Variants in DHX9 observed in about 807,000 individuals in gnomAD.
The protein encoded by DHX9 is DExH-box helicase 9, also known as ATP-dependent RNA helicase A.
DHX9 carries 27 observed loss-of-function variants against 148.7 expected under a neutral mutation model. That is an observed-to-expected ratio of 0.18 (90% confidence interval 0.13 to 0.25). The LOEUF (loss-of-function observed/expected upper bound fraction) is 0.25. Ranked by LOEUF, DHX9 falls within the 10% of genes least tolerant of loss-of-function variation. The probability of loss-of-function intolerance (pLI) is 1.00; values close to 1 mark genes in which losing one functional copy is unlikely to be tolerated. For missense variants in DHX9, 796 were observed against 1,559.6 expected, an observed-to-expected ratio of 0.51 and a Z score of 8.25; for synonymous variants, 529 against 516.6, an observed-to-expected ratio of 1.02 and a Z score of -0.33.
intron 1 of DHX9, among the ~76,000 whole-genome samples, chr1:182,841,447 G>A (rs1346613285): frequency 2.0e-5 from 3 of 152,196 alleles, no homozygotes; most frequent in Non-Finnish European, 4.4e-5. Context: ...TTCACCATGA[G>A]GGCTTGTTGT....
At chr1:182,876,002 C>G in intron 16 of DHX9, 48 bp from the exon 17 acceptor site, 1 of 1,471,116 alleles carries the variant, frequency 6.8e-7, no homozygotes, top group Non-Finnish European at 9.5e-7. Context: ...AGACTTACCT[C>G]ATGAGTAACT....
rs1649036020 is a variant in DHX9, at chr1:182,880,435, G to A, written c.2513-62G>A. ...TGTCTTAACCTTAATTTAGAGTAAT[G>A]TTTTGTCTGCCTAAAATTAGTGTTC... On this transcript the variant is annotated intron_variant, in intron 21 of 27. Transcript: ENST00000367549. The A allele has an allele frequency of 1.1e-5, 12 of 1,141,192 alleles. No homozygotes were observed. In the East Asian group the frequency reaches 2.9e-4, roughly 27 times the overall value. The allele number at this position is 1,141,192 out of a possible 1,614,324, so 70.7% of individuals were successfully genotyped here.
intron 16 of DHX9, among the ~76,000 whole-genome samples, 163 bp from the exon 17 acceptor site, chr1:182,875,887 A>G (rs532728639): frequency 1.1e-4 from 17 of 152,320 alleles, no homozygotes; most frequent in African/African-American, 3.8e-4. Flanking sequence ...TGTAAGCTCT[A>G]CATTTTTGGA....
intron 12 of DHX9, among the ~76,000 whole-genome samples, chr1:182,865,950 T>C (rs1490533444): frequency 6.6e-6 from 1 of 152,208 alleles, no homozygotes; most frequent in East Asian, 1.9e-4. Context: ...CTATGTGAGC[T>C]CATCAAAAAC....
intron 27 of DHX9, among the ~76,000 whole-genome samples, chr1:182,885,332 A>G (rs186988563): frequency 5.3e-5 from 8 of 152,322 alleles, no homozygotes; most frequent in Non-Finnish European, 7.4e-5. Context: ...TTTTATTTAC[A>G]TATACTTGAT....
Position 182,887,625 on chromosome 1 carries a change from A to G in DHX9, c.*191A>G. ...TGATTTTGTTTATATTATGTAAAAT[A>G]TAACGATCTCTTAAAAATACCACAG... On this transcript the variant is annotated 3_prime_UTR_variant, in exon 28 of 28. Transcript: ENST00000367549. 1 of 547,374 alleles carries G rather than the reference A, an allele frequency of 1.8e-6. No individual in the cohort carries two copies. Among genetic ancestry groups the G allele is most frequent in the Non-Finnish European group, 3.2e-6 (1 of 308,788 alleles). The allele number at this position is 547,374 out of a possible 1,614,324, so 33.9% of individuals were successfully genotyped here.
intron 4 of DHX9, 29 bp from the exon 5 acceptor site, chr1:182,853,277 C>T: frequency 3.4e-6 from 5 of 1,491,392 alleles, no homozygotes; most frequent in Non-Finnish European, 4.6e-6. Flanking sequence ...AGTTATGACT[C>T]ATTAAGAGAA....
intron 12 of DHX9, among the ~76,000 whole-genome samples, chr1:182,862,395 G>A (rs1188848803): frequency 6.6e-6 from 1 of 152,126 alleles, no homozygotes; most frequent in South Asian, 2.1e-4. Context: ...CCTGTGGGCT[G>A]TATGCAGAAA....
intron 16 of DHX9, 93 bp downstream of exon 16, chr1:182,875,047 C>A: frequency 9.9e-7 from 1 of 1,008,540 alleles, no homozygotes; most frequent in Non-Finnish European, 1.5e-6. Context: ...ATTAGCATTA[C>A]AGCAAACTTT....
chr1:182,872,888 G>T (rs556237406), intron 15 of DHX9, among the ~76,000 whole-genome samples: 3 of 152,314 alleles, frequency 2.0e-5, no homozygotes, highest in Non-Finnish European at 4.4e-5. Flanking sequence ...TGAGCAACTA[G>T]ATTTTGAATT....
intron 13 of DHX9, 60 bp from the exon 14 acceptor site, chr1:182,866,901 T>G: frequency 7.8e-7 from 1 of 1,279,392 alleles, no homozygotes; most frequent in Non-Finnish European, 1.1e-6. Flanking sequence ...TATAGATAAT[T>G]GTCCATAGAT....
At chr1:182,875,656 A>G (rs907408483) in intron 16 of DHX9, among the ~76,000 whole-genome samples, 2 of 152,234 alleles carry the variant, frequency 1.3e-5, no homozygotes, top group African/African-American at 4.8e-5. Flanking sequence ...AATGAACAGC[A>G]GATTAGAAAA....
At chr1:182,846,204 A>G (rs548530404) in intron 3 of DHX9, among the ~76,000 whole-genome samples, 76 of 151,442 alleles carry the variant, frequency 5.0e-4, no homozygotes, top group African/African-American at 1.1e-3. Context: ...TAGGATTTCT[A>G]TGCCAGGGAA....
intron 3 of DHX9, among the ~76,000 whole-genome samples, chr1:182,844,943 G>A (rs531434963): frequency 3.2e-4 from 49 of 152,336 alleles, no homozygotes; most frequent in Non-Finnish European, 6.0e-4. Flanking sequence ...GATTACAGGT[G>A]TGAGCCACTG....
chr1:182,868,158 C>T (rs952241947), intron 14 of DHX9, among the ~76,000 whole-genome samples: 7 of 152,048 alleles, frequency 4.6e-5, no homozygotes, highest in African/African-American at 1.2e-4. Flanking sequence ...TTCATAATAT[C>T]ATAAGTCATA....
chr1:182,840,625 C>T (rs1667907413), intron 1 of DHX9, among the ~76,000 whole-genome samples: 1 of 152,114 alleles, frequency 6.6e-6, no homozygotes. Context: ...ATTAGGAGCT[C>T]TGTCTTCCTG....
intron 2 of DHX9, 94 bp downstream of exon 2, chr1:182,842,771 G>A: frequency 1.8e-5 from 16 of 901,532 alleles, no homozygotes; most frequent in Non-Finnish European, 2.5e-5. Context: ...TTAATGTGTT[G>A]CACATTAGGA....
intron 16 of DHX9, among the ~76,000 whole-genome samples, chr1:182,875,621 T>C (rs1648726757): frequency 6.6e-6 from 1 of 152,200 alleles, no homozygotes; most frequent in South Asian, 2.1e-4. Flanking sequence ...ATTATATCTT[T>C]TTAATCAAAA....
rs80126907 is a variant in DHX9, at chr1:182,851,153, A to G, written c.253-1080A>G. ...ATAACCCCAACCTTGGAGGAACACT[A>G]TCCTTCAAGGTATAAGCTCTCTAGA... On this transcript the variant is annotated intron_variant, in intron 3 of 27. Transcript: ENST00000367549. Among the ~76,000 whole-genome samples the G allele has an allele frequency of 1.0e-3, 155 of 152,348 alleles. 1 individual carries two copies. The highest frequency in any genetic ancestry group is 3.3e-3 in the African/African-American group (136 of 41,582).
Sources: allele counts gnomAD v4.1 joint callset (sites outside exome capture counted in the v4.1 genomes callset), GRCh38; gene constraint gnomAD v4.1.1; transcripts MANE v1.5; gene names NCBI Gene and HGNC (gene_info 2026-07-23, HGNC 2026-07-21).